The following EYA3 variants were observed in gnomAD, a reference collection of about 807,000 sequenced individuals.
The protein encoded by EYA3 is protein phosphatase EYA3.
Under a neutral mutation model 80.0 loss-of-function variants are expected in EYA3, and 39 were observed. The ratio of observed to expected loss-of-function variants is 0.49; its 90% CI spans 0.38 to 0.64. The LOEUF (loss-of-function observed/expected upper bound fraction) is 0.64. EYA3 is among the 30% of genes least tolerant of loss of function. The probability of loss-of-function intolerance (pLI) is 0.00; values close to 1 mark genes in which losing one functional copy is unlikely to be tolerated. For synonymous variants in EYA3, 206 were observed against 232.8 expected, an observed-to-expected ratio of 0.88 and a Z score of 1.05; for missense variants, 523 against 676.1, an observed-to-expected ratio of 0.77 and a Z score of 2.51.
intron 1 of EYA3, among the ~76,000 whole-genome samples, chr1:28,067,940 A>G (rs567276981): frequency 1.3e-4 from 20 of 152,236 alleles, no homozygotes; most frequent in African/African-American, 4.1e-4. Flanking sequence ...AAGAGAAGGC[A>G]CTGCCTCATG....
chr1:28,023,777 C>G (rs889796161), intron 7 of EYA3, among the ~76,000 whole-genome samples: 1 of 152,138 alleles, frequency 6.6e-6, no homozygotes, highest in African/African-American at 2.4e-5. Flanking sequence ...TCTGAATAAA[C>G]AACGGACTTA....
In EYA3 at chr1:28,038,439, TAAAAAAAAA is replaced by T. The variant is rs74525723; in HGVS notation, c.224+391_224+399del. 1.2e-3 allele frequency among the ~76,000 whole-genome samples: 80 copies of T among 68,508 alleles called. 4 individuals carry two copies. In the South Asian group the frequency reaches 0.024, roughly 21 times the overall value. 44.9% of individuals were successfully genotyped at this position (68,508 alleles called of 152,430 possible). ...CAACAAACAGAGTGAGATTCTATCT[TAAAAAAAAA>T]AAAAAAAAAAAAAAAACCGAACACA... On this transcript the variant is annotated intron_variant, in intron 5 of 17. Coordinates refer to ENST00000373871, the MANE Select transcript of EYA3 (RefSeq NM_001990.4).
chr1:28,035,404 C>G, intron 6 of EYA3, 140 bp downstream of exon 6: 1 of 777,410 alleles, frequency 1.3e-6, no homozygotes, highest in Non-Finnish European at 2.1e-6. Flanking sequence ...TTATTACATG[C>G]ATCAAACATA....
intron 12 of EYA3, among the ~76,000 whole-genome samples, 180 bp downstream of exon 12, chr1:27,999,778 CTG>C (rs1431579239): frequency 6.6e-6 from 1 of 152,194 alleles, no homozygotes; most frequent in Non-Finnish European, 1.5e-5. Context: ...AGAACCAAAA[CTG>C]TGGTGACCCA....
chr1:28,032,460 A>G (rs985714157), intron 6 of EYA3, among the ~76,000 whole-genome samples: 13 of 152,192 alleles, frequency 8.5e-5, no homozygotes, highest in African/African-American at 3.1e-4. Flanking sequence ...CATAGGATAC[A>G]TTCCCAGAAG....
rs919569108 is a variant in EYA3 at position 28,012,670 on chromosome 1, T to C, written c.769+441A>G. ...TACTGAAATTGTAGGTTAAATTGTA[T>C]ATATTTCTCTGAGGGAAAAGGACCA... is the stretch of plus-strand genomic sequence containing the variant. On this transcript the variant is annotated intron_variant, in intron 9 of 17. Coordinates refer to ENST00000373871, the MANE Select transcript of EYA3 (RefSeq NM_001990.4). 3.3e-5 allele frequency among the ~76,000 whole-genome samples: 5 copies of C among 152,212 alleles called. No individual in the cohort carries two copies. The East Asian group carries it at 5.8e-4, about 18-fold the overall frequency.
intron 14 of EYA3, among the ~76,000 whole-genome samples, chr1:27,992,990 G>A (rs1251913640): frequency 6.6e-6 from 1 of 151,846 alleles, no homozygotes; most frequent in South Asian, 2.1e-4. Flanking sequence ...TACAATCCTG[G>A]ACCTAGATTT....
intron 8 of EYA3, among the ~76,000 whole-genome samples, chr1:28,015,699 A>G (rs1642011321): frequency 6.6e-6 from 1 of 152,252 alleles, no homozygotes; most frequent in Admixed American, 6.5e-5. Flanking sequence ...ATTCAGGATT[A>G]AAAGGGAAAA....
At chr1:27,995,505 G>A (rs182462630) in intron 13 of EYA3, among the ~76,000 whole-genome samples, 57 of 151,694 alleles carry the variant, frequency 3.8e-4, no homozygotes, top group Non-Finnish European at 6.2e-4. Flanking sequence ...GAGGGGCTGA[G>A]GTGGGTAGAT....
At chr1:28,049,542 T>C (rs975721153) in intron 2 of EYA3, among the ~76,000 whole-genome samples, 1 of 151,804 alleles carries the variant, frequency 6.6e-6, no homozygotes, top group African/African-American at 2.4e-5. Context: ...AAGGAGAAAA[T>C]AGATATGATT....
chr1:28,084,595 A>ATATATAT (rs1553159924), intron 1 of EYA3, among the ~76,000 whole-genome samples: 2 of 15,222 alleles, frequency 1.3e-4, no homozygotes, highest in Non-Finnish European at 2.1e-4. Flanking sequence ...ATATATATAT[A>ATATATAT]TTTTTTTTTT....
rs2148783704 is a variant in EYA3, at chr1:28,009,375, G to C, written c.909+1572C>G. Among the ~76,000 whole-genome samples the C allele has an allele frequency of 6.6e-6, 1 of 152,240 alleles. No individual in the cohort carries two copies. The highest frequency in any genetic ancestry group is 1.9e-4 in the East Asian group (1 of 5,172). ...ACCTTAAAAACATTATGGTAGGCAG[G>C]GCATGGTGGCTCACGTCTGTAATCC... On this transcript the variant is annotated intron_variant, in intron 10 of 17. Transcript: ENST00000373871. The surrounding 1 kb of genome is among the most constrained non-coding windows in gnomAD (Gnocchi z 4.8).
At chr1:28,019,102 G>C (rs1274778247) in intron 7 of EYA3, among the ~76,000 whole-genome samples, 1 of 152,246 alleles carries the variant, frequency 6.6e-6, no homozygotes, top group Admixed American at 6.5e-5. Flanking sequence ...GGAGGCAGAG[G>C]TTGCAGTGAG....
intron 11 of EYA3, among the ~76,000 whole-genome samples, chr1:28,000,464 C>CA (rs1056758155): frequency 3.9e-5 from 6 of 152,202 alleles, no homozygotes; most frequent in Admixed American, 3.9e-4. Flanking sequence ...AGGCATCCGC[C>CA]ACCACGCCTG....
chr1:27,977,509 T>G (rs750124798), intron 17 of EYA3: 42 of 1,008,810 alleles, frequency 4.2e-5, no homozygotes, highest in Admixed American at 3.2e-4. Context: ...GATGGGATTT[T>G]AAGTTCTATA....
intron 16 of EYA3, among the ~76,000 whole-genome samples, chr1:27,979,609 A>G (rs1639169850): frequency 6.6e-6 from 1 of 152,200 alleles, no homozygotes; most frequent in African/African-American, 2.4e-5. Context: ...TGTATAAATA[A>G]AAAGAAGTTA....
At chr1:27,999,086 C>T (rs1252966274) in intron 12 of EYA3, among the ~76,000 whole-genome samples, 1 of 152,194 alleles carries the variant, frequency 6.6e-6, no homozygotes, top group Non-Finnish European at 1.5e-5. Context: ...TCCTATATTA[C>T]TTTACTTTAA....
intron 13 of EYA3, among the ~76,000 whole-genome samples, chr1:27,995,976 A>C (rs553046079): frequency 6.6e-6 from 1 of 152,114 alleles, no homozygotes; most frequent in African/African-American, 2.4e-5. Context: ...GGTTTCAAGC[A>C]ATTCTCCTGC....
intron 7 of EYA3, among the ~76,000 whole-genome samples, chr1:28,019,904 G>T (rs546952994): frequency 3.2e-4 from 49 of 151,998 alleles, no homozygotes; most frequent in Non-Finnish European, 5.9e-4. Flanking sequence ...GTTTCACCAT[G>T]TTGGTCAGGG....
Sources: allele counts gnomAD v4.1 joint callset (sites outside exome capture counted in the v4.1 genomes callset), GRCh38; gene constraint gnomAD v4.1.1; non-coding constraint Gnocchi (gnomAD v3.1); transcripts MANE v1.5; gene names NCBI Gene and HGNC (gene_info 2026-07-23, HGNC 2026-07-21).